Variants in RLIG1 observed in about 807,000 individuals in gnomAD.
RLIG1 encodes the protein RNA ligase 1.
At chr12:88,040,106 GCTAT>G in the RLIG1 span, 153 of 1,057,270 alleles carry the variant, frequency 1.4e-4, 1 homozygote, top group South Asian at 1.2e-3. Flanking sequence ...AGACATAGAG[GCTAT>G]CTATCTTAAA....
At chr12:88,043,139 C>G in the RLIG1 span, among the ~76,000 whole-genome samples, 1 of 151,868 alleles carries the variant, frequency 6.6e-6, no homozygotes, top group East Asian at 1.9e-4. Flanking sequence ...TTAAAACATA[C>G]AAATTACTGC....
the RLIG1 span, among the ~76,000 whole-genome samples, chr12:88,037,514 C>G: frequency 6.6e-6 from 1 of 152,068 alleles, no homozygotes; most frequent in Middle Eastern, 3.2e-3. Flanking sequence ...ATCTTCCCCC[C>G]CACATAGGAT....
chr12:88,049,016 T>TAA, the RLIG1 span: 1 of 424,646 alleles, frequency 2.4e-6, no homozygotes, highest in South Asian at 8.9e-5. Flanking sequence ...ACTTTTATAA[T>TAA]AAGTTGAAAA....
At chr12:88,041,122 C>T in the RLIG1 span, among the ~76,000 whole-genome samples, 1 of 152,136 alleles carries the variant, frequency 6.6e-6, no homozygotes, top group South Asian at 2.1e-4. Flanking sequence ...CCACCACCAG[C>T]CCCTTGTAAC....
At chr12:88,046,896 C>T in the RLIG1 span, 1 of 1,612,788 alleles carries the variant, frequency 6.2e-7, no homozygotes. Flanking sequence ...GCACAATGAT[C>T]TCGTGTCCTG....
At chr12:88,048,416 T>C in the RLIG1 span, 3 of 1,370,592 alleles carry the variant, frequency 2.2e-6, no homozygotes, top group African/African-American at 3.0e-5. Flanking sequence ...TAATATTTGA[T>C]GTATAAAATG....
At chr12:88,040,567 G>T in the RLIG1 span, among the ~76,000 whole-genome samples, 1 of 152,086 alleles carries the variant, frequency 6.6e-6, no homozygotes, top group Non-Finnish European at 1.5e-5. Context: ...ATAAAAATGA[G>T]GTTTAGCAAA....
the RLIG1 span, among the ~76,000 whole-genome samples, chr12:88,040,477 A>G: frequency 6.6e-6 from 1 of 152,134 alleles, no homozygotes; most frequent in Non-Finnish European, 1.5e-5. Flanking sequence ...TTTACTTAAT[A>G]CCCTTAAGGG....
chr12:88,043,421 T>A, the RLIG1 span, among the ~76,000 whole-genome samples: 27 of 152,262 alleles, frequency 1.8e-4, no homozygotes, highest in East Asian at 5.0e-3. Context: ...ATTGAATATT[T>A]AAATTGTTAG....
the RLIG1 span, among the ~76,000 whole-genome samples, chr12:88,039,981 C>A: frequency 1.3e-5 from 2 of 152,112 alleles, no homozygotes; most frequent in Non-Finnish European, 2.9e-5. Flanking sequence ...CAGAAGGGAG[C>A]AAACAATTCG....
chr12:88,044,854 A>G, the RLIG1 span: 5,772 of 152,472 alleles, frequency 0.038, 169 homozygotes, highest in East Asian at 0.088. Flanking sequence ...TGTTCAGGGT[A>G]TATGACATCA....
the RLIG1 span, chr12:88,048,253 G>T: frequency 6.4e-7 from 1 of 1,574,664 alleles, no homozygotes; most frequent in Non-Finnish European, 8.6e-7. Context: ...CATCATCTTG[G>T]CTTATGCTGG....
chr12:88,048,737 TA>T, the RLIG1 span: 1 of 208,282 alleles, frequency 4.8e-6, no homozygotes, highest in Non-Finnish European at 9.4e-6. Flanking sequence ...TTAAATAGTT[TA>T]AGCTCAATTT....
the RLIG1 span, chr12:88,042,495 A>C: frequency 6.0e-6 from 1 of 167,532 alleles, no homozygotes. Context: ...GGGGTGGGGT[A>C]AATACAGTTA....
chr12:88,036,300 C>T, the RLIG1 span, among the ~76,000 whole-genome samples: 1 of 152,098 alleles, frequency 6.6e-6, no homozygotes, highest in Non-Finnish European at 1.5e-5. Context: ...ATAGTGTGCC[C>T]TCGGTAAATG....
At chr12:88,035,697 A>G in the RLIG1 span, 1 of 1,608,266 alleles carries the variant, frequency 6.2e-7, no homozygotes, top group South Asian at 1.1e-5. Flanking sequence ...TGTGTTTGTG[A>G]CGGAGGTGAA....
chr12:88,040,176 T>C, the RLIG1 span: 1 of 1,610,514 alleles, frequency 6.2e-7, no homozygotes, highest in Admixed American at 1.7e-5. Flanking sequence ...ACTGAAACTG[T>C]AAGTCACAAG....
the RLIG1 span, among the ~76,000 whole-genome samples, chr12:88,036,961 C>T: frequency 6.6e-6 from 1 of 152,080 alleles, no homozygotes; most frequent in Non-Finnish European, 1.5e-5. Context: ...GTATTCTCCA[C>T]CAGGGAAAAT....
chr12:88,047,622 T>G, the RLIG1 span, among the ~76,000 whole-genome samples: 1 of 152,262 alleles, frequency 6.6e-6, no homozygotes, highest in South Asian at 2.1e-4. Context: ...TTAACTATCA[T>G]ATCACCCTCC....
Sources: gnomAD v4.1 joint callset for allele counts (sites outside exome capture counted in the v4.1 genomes callset) on GRCh38, gnomAD v4.1.1 for gene constraint, MANE v1.5 for transcripts, NCBI Gene and HGNC (gene_info 2026-07-23, HGNC 2026-07-21) for gene names.